MCF2L: variants seen among roughly 807,000 people sequenced by gnomAD.
MCF2L encodes MCF.2 cell line derived transforming sequence like, also known as guanine nucleotide exchange factor DBS.
Under a neutral mutation model 153.4 loss-of-function variants are expected in MCF2L, and 97 were observed. The ratio of observed to expected loss-of-function variants is 0.63; its 90% CI spans 0.54 to 0.75. The LOEUF (loss-of-function observed/expected upper bound fraction) is 0.75. Among genes scored for constraint, MCF2L ranks in the 30% least tolerant of loss-of-function variants. The pLI, the probability that MCF2L is intolerant of heterozygous loss-of-function variation, is 0.00. For missense variants in MCF2L, 1,347 were observed against 1,495.2 expected (o/e 0.90, Z 1.64); for synonymous variants, 659 against 632.2 (o/e 1.04, Z -0.64).
chr13:112,917,953 G>GAGCCCACAGTCCAGTA (rs2081312532), intron 2 of MCF2L, among the ~76,000 whole-genome samples: 1 of 152,216 alleles, frequency 6.6e-6, no homozygotes, highest in Admixed American at 6.5e-5. Context: ...CTTCAGGGCT[G>GAGCCCACAGTCCAGTA]AGCCCACAGT....
At position 112,960,966 on chromosome 13, in the gene MCF2L, C is replaced by A. The variant is rs1447685424; in HGVS notation, c.170-53797C>A. On this transcript the variant is annotated intron_variant, in intron 2 of 29. Coordinates refer to the MCF2L transcript ENST00000375608. This position sits in a 1 kb window ranked among gnomAD's most constrained non-coding sequence, Gnocchi z 4.2. ...GGCCGTGCCGCAGCTCAAGTGGGGG[C>A]CCCTGAGGGGCCTCCAGTGTTTGGG... 6.6e-6 allele frequency among the ~76,000 whole-genome samples: 1 copy of A among 152,202 alleles called. No individual in the cohort carries two copies. The highest frequency in any genetic ancestry group is 1.5e-5 in the Non-Finnish European group (1 of 68,036).
In MCF2L at chr13:113,029,775, C is replaced by CT. The variant is rs1288329916; in HGVS notation, c.278+5018dup. On this transcript the variant is annotated intron_variant, in intron 3 of 29. Transcript: ENST00000535094. ...CTTCCAGGAGATGGTGGACGAGACC[C>CT]TGGCACAGGCGGTTCCCCAGCACGC... is the stretch of plus-strand genomic sequence containing the variant. Among the ~76,000 whole-genome samples, 5 of 152,340 alleles carry CT rather than the reference C, an allele frequency of 3.3e-5. No homozygotes were observed. The East Asian group carries it at 7.7e-4, about 24-fold the overall frequency.
At chr13:112,990,755 C>T (rs186041449) in intron 1 of MCF2L, among the ~76,000 whole-genome samples, 214 of 152,326 alleles carry the variant, frequency 1.4e-3, no homozygotes, top group African/African-American at 5.0e-3. Flanking sequence ...GAAGTGTGTG[C>T]CCAGCGTCTG....
At chr13:112,973,966 G>A (rs1269482516) in intron 1 of MCF2L, among the ~76,000 whole-genome samples, 1 of 152,098 alleles carries the variant, frequency 6.6e-6, no homozygotes, top group Non-Finnish European at 1.5e-5. Context: ...GCCTTCCAGC[G>A]TCTTCCTGAT....
intron 2 of MCF2L, among the ~76,000 whole-genome samples, chr13:113,016,854 C>T (rs542068760): frequency 6.6e-6 from 1 of 152,336 alleles, no homozygotes; most frequent in South Asian, 2.1e-4. Flanking sequence ...CGTTACACCA[C>T]CTCACGTCCT....
Position 113,046,319 on chromosome 13 carries a change from T to G in MCF2L, c.369+958T>G, listed in dbSNP as rs146545611. 708 of 308,694 alleles carry G rather than the reference T, an allele frequency of 2.3e-3. 3 individuals are homozygous for G. The highest frequency in any genetic ancestry group is 0.015 in the African/African-American group (677 of 45,044). 19.1% of individuals were successfully genotyped at this position (308,694 alleles called of 1,614,324 possible). A position where few individuals can be genotyped will look rare whatever the true frequency, so the allele number is the denominator to read the frequency against. On this transcript the variant is annotated intron_variant, in intron 4 of 29. Transcript: ENST00000535094. The surrounding 1 kb of genome is among the most constrained non-coding windows in gnomAD (Gnocchi z 4.4). ...CCTGGGTCCAGGCACCTGCATGTTC[T>G]CACGCCCGCCACAGCCCGTCCCTCC...
Position 113,086,116 on chromosome 13 carries a change from C to A in MCF2L, c.2248-8C>A. On this transcript the variant is annotated splice_region_variant and splice_polypyrimidine_tract_variant and intron_variant, in intron 20 of 29. Coordinates refer to ENST00000535094, the MANE Select transcript of MCF2L (RefSeq NM_001112732.3). ...CCCGACGCGGTTGCCTCACCCCATG[C>A]CCCTCAGGAAATGCTGAAATACAGC... 1 of 1,603,166 alleles carries A rather than the reference C, an allele frequency of 6.2e-7. No homozygotes were observed. Among genetic ancestry groups the A allele is most frequent in the East Asian group, 2.3e-5 (1 of 43,842 alleles).
At chr13:112,913,169 G>A (rs2081253280) in intron 2 of MCF2L, among the ~76,000 whole-genome samples, 1 of 140,650 alleles carries the variant, frequency 7.1e-6, no homozygotes, top group Admixed American at 7.2e-5. Flanking sequence ...GTATGTATGG[G>A]GTGTGTCTGT....
intron 2 of MCF2L, among the ~76,000 whole-genome samples, chr13:113,017,770 G>A (rs1208754828): frequency 6.6e-6 from 1 of 152,202 alleles, no homozygotes; most frequent in Non-Finnish European, 1.5e-5. Context: ...CCAGCTGGGT[G>A]AGGCCCCTCA....
At chr13:113,052,305 G>A (rs975027696) in intron 4 of MCF2L, among the ~76,000 whole-genome samples, 13 of 152,180 alleles carry the variant, frequency 8.5e-5, no homozygotes, top group African/African-American at 2.4e-4. Context: ...GAAGGAGCCC[G>A]GGGGTCCCTG....
At chr13:113,047,398 T>C (rs2086882937) in intron 4 of MCF2L, 2 of 152,360 alleles carry the variant, frequency 1.3e-5, no homozygotes, top group Non-Finnish European at 2.9e-5. Context: ...CATGAAGTCA[T>C]AGGCAACTCT....
intron 2 of MCF2L, among the ~76,000 whole-genome samples, chr13:112,946,458 A>G (rs888178814): frequency 2.0e-5 from 3 of 152,238 alleles, no homozygotes; most frequent in African/African-American, 7.2e-5. Flanking sequence ...AACATTGTAC[A>G]AATGGGCTGG....
upstream of MCF2L, among the ~76,000 whole-genome samples, chr13:112,966,930 G>A (rs1031850327): frequency 6.6e-6 from 1 of 152,236 alleles, no homozygotes; most frequent in Non-Finnish European, 1.5e-5. This position sits in a 1 kb window ranked among gnomAD's most constrained non-coding sequence, Gnocchi z 4.1. Context: ...GAGCCCAGCT[G>A]TGTGAGCTTA....
rs2081808983 is a variant in MCF2L at position 112,960,286 on chromosome 13, A to T, written c.170-54477A>T. 1.3e-5 allele frequency among the ~76,000 whole-genome samples: 2 copies of T among 152,058 alleles called. No homozygotes were observed. The highest frequency in any genetic ancestry group is 4.8e-5 in the African/African-American group (2 of 41,394). ...CCGGTGAGAGAGCGGAGAGACCGAG[A>T]GGGGGCCAAGCGCGCTCTCACAACT... is the stretch of plus-strand genomic sequence containing the variant. On this transcript the variant is annotated intron_variant, in intron 2 of 29. Transcript: ENST00000375608. The surrounding 1 kb of genome is among the most constrained non-coding windows in gnomAD (Gnocchi z 4.2).
intron 2 of MCF2L, among the ~76,000 whole-genome samples, chr13:112,964,166 C>A (rs1402063993): frequency 1.3e-5 from 2 of 152,222 alleles, no homozygotes; most frequent in Non-Finnish European, 2.9e-5. Context: ...TGGCCCCTGC[C>A]CACAGCAACA....
Position 113,064,517 on chromosome 13 carries a change from A to G in MCF2L, c.606+97A>G, listed in dbSNP as rs1337947767. ...ACAACACGGCCCTTTCCAAAAACAC[A>G]TTCACATTAACAGTCGTTTTCTTTC... On this transcript the variant is annotated intron_variant, in intron 6 of 29. Coordinates refer to ENST00000535094, the MANE Select transcript of MCF2L (RefSeq NM_001112732.3). This position sits in a 1 kb window ranked among gnomAD's most constrained non-coding sequence, Gnocchi z 6.0. 9.3e-6 allele frequency: 7 copies of G among 754,922 alleles called. No individual in the cohort carries two copies. In the Admixed American group the frequency reaches 1.2e-4, roughly 13 times the overall value. 46.8% of individuals were successfully genotyped at this position (754,922 alleles called of 1,614,324 possible).
At chr13:113,022,692 G>A (rs1035145339) in intron 2 of MCF2L, among the ~76,000 whole-genome samples, 2 of 152,232 alleles carry the variant, frequency 1.3e-5, no homozygotes, top group Non-Finnish European at 2.9e-5. Flanking sequence ...AAGTTGCCAC[G>A]AGTTCCTGAT....
At chr13:113,010,142 T>G (rs902467725) in intron 1 of MCF2L, 1 of 88,704 alleles carries the variant, frequency 1.1e-5, no homozygotes, top group Non-Finnish European at 2.1e-5. Flanking sequence ...CATGAGAGGA[T>G]TTCCAGGGCC....
rs371248990 is a variant in MCF2L, at chr13:112,895,382, G to A, written c.-5+951G>A. 4.3e-3 allele frequency among the ~76,000 whole-genome samples: 648 copies of A among 152,256 alleles called. 3 individuals are homozygous for A. The highest frequency in any genetic ancestry group is 0.012 in the African/African-American group (519 of 41,572). ...CCCAGGATGTGTGGCCACGGGGACC[G>A]ACACGGCTGACCACAAAAATAGAAA... is the stretch of plus-strand genomic sequence containing the variant. On this transcript the variant is annotated intron_variant, in intron 1 of 29. Transcript: ENST00000375608.
Sources: allele counts gnomAD v4.1 joint callset (sites outside exome capture counted in the v4.1 genomes callset), GRCh38; gene constraint gnomAD v4.1.1; non-coding constraint Gnocchi (gnomAD v3.1); transcripts MANE v1.5; gene names NCBI Gene and HGNC (gene_info 2026-07-23, HGNC 2026-07-21).